Variants in PSTPIP2 observed in about 807,000 individuals in gnomAD.
PSTPIP2 encodes proline-serine-threonine phosphatase interacting protein 2.
PSTPIP2 carries 33 observed loss-of-function variants against 63.3 expected under a neutral mutation model. The observed-to-expected ratio is 0.52, with a 90% CI of 0.40 to 0.70. The LOEUF is 0.70. Ranked by LOEUF, PSTPIP2 falls within the 30% of genes least tolerant of loss-of-function variation. PSTPIP2 has a pLI of 0.00. For missense variants in PSTPIP2, 312 were observed against 400.7 expected, an observed-to-expected ratio of 0.78 and a Z score of 1.89; for synonymous variants, 125 against 132.7, an observed-to-expected ratio of 0.94 and a Z score of 0.40.
chr18:46,032,754 CAA>C (rs762015034), intron 2 of PSTPIP2, among the ~76,000 whole-genome samples: 1,249 of 50,150 alleles, frequency 0.025, 20 homozygotes, highest in African/African-American at 0.067. Flanking sequence ...AACTCTGTGT[CAA>C]AAAAAAAAAA....
In PSTPIP2 at chr18:46,005,427, A is replaced by G. The variant is rs368121032; in HGVS notation, c.417+42T>C. 4.1e-6 allele frequency: 6 copies of G among 1,474,106 alleles called. No individual in the cohort carries two copies. In the African/African-American group the frequency reaches 8.4e-5, roughly 21 times the overall value. The allele number at this position is 1,474,106 out of a possible 1,614,324, so 91.3% of individuals were successfully genotyped here. On this transcript the variant is annotated intron_variant, in intron 6 of 14. Transcript: ENST00000409746. The stretch of plus-strand genomic sequence containing the variant: ...CATACACAGCACAGGATTTCAGAAA[A>G]TGTCACCATTATCCCAAAAAAGACA...
At chr18:46,031,842 A>T (rs1907797123) in intron 2 of PSTPIP2, among the ~76,000 whole-genome samples, 1 of 152,190 alleles carries the variant, frequency 6.6e-6, no homozygotes, top group African/African-American at 2.4e-5. Flanking sequence ...ATGAAACAAG[A>T]TGTTCTCCTA....
chr18:46,048,587 C>T (rs1326787329), intron 1 of PSTPIP2, among the ~76,000 whole-genome samples: 2 of 152,184 alleles, frequency 1.3e-5, no homozygotes, highest in African/African-American at 4.8e-5. Context: ...TCCCAAAACA[C>T]ATGGCCTGAA....
chr18:46,016,456 T>A (rs1392969115), intron 3 of PSTPIP2, among the ~76,000 whole-genome samples: 1 of 152,236 alleles, frequency 6.6e-6, no homozygotes, highest in Non-Finnish European at 1.5e-5. Flanking sequence ...CCTTTTTCAC[T>A]CATTTACATT....
At chr18:46,048,750 G>A (rs980470257) in intron 1 of PSTPIP2, among the ~76,000 whole-genome samples, 4 of 152,196 alleles carry the variant, frequency 2.6e-5, no homozygotes, top group African/African-American at 9.7e-5. Flanking sequence ...GCAGCTAAAT[G>A]CCATGTGGAA....
In PSTPIP2 at chr18:46,063,710, A is replaced by G. The variant is rs142733734; in HGVS notation, c.33+8446T>C. ...TTACAAGCAAAGCATGAGGAAGAAA[A>G]CAAAACCATTTGTAAAAGAGGAATT... On this transcript the variant is annotated intron_variant, in intron 1 of 14. Transcript: ENST00000409746. Among the ~76,000 whole-genome samples the G allele has an allele frequency of 3.2e-3, 480 of 152,322 alleles. 4 individuals are homozygous for G. The highest frequency in any genetic ancestry group is 0.017 in the Middle Eastern group (5 of 294).
chr18:45,985,602 G>A (rs2051458877), intron 14 of PSTPIP2, 152 bp from the exon 15 acceptor site: 1 of 675,412 alleles, frequency 1.5e-6, no homozygotes, highest in Non-Finnish European at 2.5e-6. Context: ...GAAATGGAAT[G>A]TGACGATAAC....
intron 4 of PSTPIP2, among the ~76,000 whole-genome samples, chr18:46,014,785 T>C (rs80338098): frequency 0.016 from 2,463 of 152,224 alleles, 31 homozygotes; most frequent in Non-Finnish European, 0.021. Context: ...CAGCTGCAAA[T>C]ATTTTGAATT....
At chr18:46,028,270 A>G (rs759811588) in intron 2 of PSTPIP2, 3 of 439,332 alleles carry the variant, frequency 6.8e-6, no homozygotes. Context: ...ACTGCACAGT[A>G]GAACCGCAGC....
chr18:46,015,870 G>A, intron 4 of PSTPIP2, 33 bp downstream of exon 4: 5 of 1,587,210 alleles, frequency 3.2e-6, no homozygotes, highest in Non-Finnish European at 4.3e-6. Context: ...GTCAAGGGCA[G>A]TGAATACATT....
intron 2 of PSTPIP2, among the ~76,000 whole-genome samples, chr18:46,025,694 A>AG (rs1907554286): frequency 6.6e-6 from 1 of 151,940 alleles, no homozygotes; most frequent in Admixed American, 6.6e-5. Context: ...AAAAAAAAAA[A>AG]AAAGAAAGAA....
At chr18:46,029,551 A>G (rs1460063017) in intron 2 of PSTPIP2, 11 of 794,944 alleles carry the variant, frequency 1.4e-5, no homozygotes, top group Non-Finnish European at 2.1e-5. Flanking sequence ...AGCAGTAAAT[A>G]TAAATAATCA....
intron 2 of PSTPIP2, among the ~76,000 whole-genome samples, chr18:46,030,045 C>T (rs975889678): frequency 1.6e-4 from 24 of 151,890 alleles, no homozygotes; most frequent in Non-Finnish European, 7.4e-5. Flanking sequence ...ACCCAGGAGG[C>T]GGAGGTTGTG....
At chr18:46,015,780 G>A (rs2051846603) in intron 4 of PSTPIP2, 123 bp downstream of exon 4, 1 of 1,037,202 alleles carries the variant, frequency 9.6e-7, no homozygotes, top group Non-Finnish European at 1.4e-6. Flanking sequence ...CTCACCTTAG[G>A]AGTTGCTCTA....
In PSTPIP2 at chr18:46,065,296, T is replaced by A. The variant is rs574570275; in HGVS notation, c.33+6860A>T. ...TAGCAATATATAAAATAAGTTATAA[T>A]TTTTTTTTTTTTTGAGATGTAGTCT... On this transcript the variant is annotated intron_variant, in intron 1 of 14. Coordinates refer to ENST00000409746, the MANE Select transcript of PSTPIP2 (RefSeq NM_024430.4). Among the ~76,000 whole-genome samples, 319 of 116,234 alleles carry A rather than the reference T, an allele frequency of 2.7e-3. 1 individual carries two copies. Among genetic ancestry groups the A allele is most frequent in the African/African-American group, 8.6e-3 (291 of 33,872 alleles). 76.3% of individuals were successfully genotyped at this position (116,234 alleles called of 152,430 possible).
intron 1 of PSTPIP2, among the ~76,000 whole-genome samples, chr18:46,044,231 G>A (rs1331183158): frequency 1.3e-5 from 2 of 152,140 alleles, no homozygotes; most frequent in East Asian, 1.9e-4. Context: ...AACAAAGCTG[G>A]AGGCATCACG....
chr18:46,028,939 A>G, intron 2 of PSTPIP2: 2 of 1,308,928 alleles, frequency 1.5e-6, no homozygotes, highest in Non-Finnish European at 2.2e-6. Context: ...CCAGCATGGT[A>G]ATGCTGAACG....
intron 14 of PSTPIP2, among the ~76,000 whole-genome samples, chr18:45,985,742 A>G (rs2051460248): frequency 6.6e-6 from 1 of 152,118 alleles, no homozygotes; most frequent in African/African-American, 2.4e-5. Context: ...ATCAACAACT[A>G]CAAAACAAAT....
At chr18:45,991,860 T>C (rs2144059305) in intron 12 of PSTPIP2, 42 bp downstream of exon 12, 1 of 1,507,198 alleles carries the variant, frequency 6.6e-7, no homozygotes, top group Non-Finnish European at 9.2e-7. Flanking sequence ...ACAATGTTTG[T>C]TAAAAGTATT....
Sources: allele counts gnomAD v4.1 joint callset (sites outside exome capture counted in the v4.1 genomes callset), GRCh38; gene constraint gnomAD v4.1.1; transcripts MANE v1.5; gene names NCBI Gene and HGNC (gene_info 2026-07-23, HGNC 2026-07-21).